The following NAV3 variants were observed in gnomAD, a reference collection of about 807,000 sequenced individuals.
The protein encoded by NAV3 is neuron navigator 3, also known as pore membrane and/or filament interacting like protein 1.
NAV3 carries 87 observed loss-of-function variants against 244.7 expected under a neutral mutation model. The ratio of observed to expected loss-of-function variants is 0.36; its 90% CI spans 0.30 to 0.42. NAV3 has a LOEUF of 0.42. Among genes scored for constraint, NAV3 ranks in the 20% least tolerant of loss-of-function variants. The pLI is 1.00. For missense variants in NAV3, 2,663 were observed against 2,893.3 expected, an observed-to-expected ratio of 0.92 and a Z score of 1.83; for synonymous variants, 1,126 against 1,042.2, an observed-to-expected ratio of 1.08 and a Z score of -1.55.
intron 5 of NAV3, among the ~76,000 whole-genome samples, chr12:77,988,340 T>G (rs1378470307): frequency 3.9e-5 from 6 of 152,186 alleles, no homozygotes; most frequent in Non-Finnish European, 8.8e-5. Context: ...CTGTTTACCT[T>G]AAAAAGCTTT....
At chr12:78,074,973 G>A (rs1312605990) in intron 12 of NAV3, among the ~76,000 whole-genome samples, 1 of 152,136 alleles carries the variant, frequency 6.6e-6, no homozygotes, top group East Asian at 1.9e-4. Flanking sequence ...AAAAAGAAAT[G>A]TAATCTGGAT....
chr12:78,043,019 G>T (rs575559344), intron 9 of NAV3, among the ~76,000 whole-genome samples: 2 of 151,908 alleles, frequency 1.3e-5, no homozygotes, highest in African/African-American at 4.8e-5. Context: ...TGCTGTGGTC[G>T]TTTGCTGCAC....
rs763200970 is a variant in NAV3, at chr12:77,720,652, CCT to C, written c.72+148391_72+148392del. On this transcript the variant is annotated intron_variant, in intron 2 of 8. Coordinates refer to the NAV3 transcript ENST00000550042. ...GTTAGATGCAAACTCCAATTCTTTC[CCT>C]CTCTAGGAAGAAGCTGAGAGTTTTT... Among the ~76,000 whole-genome samples the C allele has an allele frequency of 5.3e-5, 8 of 152,212 alleles. No homozygotes were observed. The South Asian group carries it at 1.5e-3, about 28-fold the overall frequency.
chr12:77,811,131 C>T (rs1332752249), intron 2 of NAV3, among the ~76,000 whole-genome samples: 6 of 152,142 alleles, frequency 3.9e-5, no homozygotes, highest in Non-Finnish European at 8.8e-5. Flanking sequence ...AATTCTAAAA[C>T]TTAGTTGTAT....
At chr12:77,939,304 C>T (rs933778467) in intron 1 of NAV3, among the ~76,000 whole-genome samples, 1 of 152,128 alleles carries the variant, frequency 6.6e-6, no homozygotes, top group African/African-American at 2.4e-5. Context: ...GTTATACCCA[C>T]TGCAAGGAAG....
At chr12:77,587,887 G>A (rs1869689409) in intron 2 of NAV3, among the ~76,000 whole-genome samples, 2 of 152,260 alleles carry the variant, frequency 1.3e-5, no homozygotes, top group Middle Eastern at 6.8e-3. Flanking sequence ...GGCCCAGAGT[G>A]GCTATGTAAC....
At chr12:77,920,749 T>C (rs965343012) in intron 1 of NAV3, among the ~76,000 whole-genome samples, 2 of 152,126 alleles carry the variant, frequency 1.3e-5, no homozygotes, top group East Asian at 3.9e-4. Flanking sequence ...CCAGCAATGT[T>C]TGTTACAAAA....
At position 78,199,315 on chromosome 12, in the gene NAV3, G is replaced by A. The variant is rs2140009054; in HGVS notation, c.6519-20G>A. The stretch of plus-strand genomic sequence containing the variant: ...AAATTTAATTTATATAAAAATGTCT[G>A]ATTTTTTTTCTTTTTGTAGGTGGGT... On this transcript the variant is annotated intron_variant, in intron 36 of 39. Transcript: ENST00000397909. 7 of 1,549,178 alleles carry A rather than the reference G, an allele frequency of 4.5e-6. No homozygotes were observed. The highest frequency in any genetic ancestry group is 6.1e-6 in the Non-Finnish European group (7 of 1,144,882).
chr12:77,689,514 T>C (rs546522871), intron 2 of NAV3, among the ~76,000 whole-genome samples: 2 of 152,056 alleles, frequency 1.3e-5, no homozygotes, highest in African/African-American at 4.8e-5. Context: ...GGAAGGTGTG[T>C]TAAGATCTCT....
At chr12:77,701,814 A>G (rs1202545667) in intron 2 of NAV3, among the ~76,000 whole-genome samples, 1 of 151,818 alleles carries the variant, frequency 6.6e-6, no homozygotes, top group Non-Finnish European at 1.5e-5. Context: ...CTAAAATTTC[A>G]TTATTTTAGT....
intron 3 of NAV3, among the ~76,000 whole-genome samples, chr12:77,946,426 A>G (rs549301021): frequency 2.6e-5 from 4 of 152,134 alleles, no homozygotes; most frequent in Admixed American, 2.6e-4. Context: ...CACTTTATTA[A>G]TATAATTACT....
At chr12:77,594,276 G>A (rs762309075) in intron 2 of NAV3, among the ~76,000 whole-genome samples, 40 of 151,740 alleles carry the variant, frequency 2.6e-4, no homozygotes, top group Non-Finnish European at 4.1e-4. Context: ...ACAGAGAAAA[G>A]AAGATTCACT....
intron 2 of NAV3, among the ~76,000 whole-genome samples, chr12:77,659,427 T>G (rs1035056708): frequency 1.3e-5 from 2 of 152,138 alleles, no homozygotes; most frequent in African/African-American, 2.4e-5. Flanking sequence ...CTCACACCAG[T>G]TAGAATGGTG....
chr12:78,046,090 A>AT (rs1413474793), intron 9 of NAV3, among the ~76,000 whole-genome samples: 2 of 152,046 alleles, frequency 1.3e-5, no homozygotes, highest in Non-Finnish European at 2.9e-5. Context: ...CCCCTTTATC[A>AT]TTTTTTATTA....
At chr12:77,801,784 C>T (rs1465469255) in intron 2 of NAV3, among the ~76,000 whole-genome samples, 1 of 152,120 alleles carries the variant, frequency 6.6e-6, no homozygotes, top group Non-Finnish European at 1.5e-5. Context: ...TTCCTGATGT[C>T]CTAGCTACCC....
At chr12:78,168,300 C>T (rs546835829) in intron 23 of NAV3, among the ~76,000 whole-genome samples, 1 of 151,866 alleles carries the variant, frequency 6.6e-6, no homozygotes, top group South Asian at 2.1e-4. Context: ...GCACAAAATA[C>T]TTCAAACAAA....
rs1566155830 is a variant in NAV3 at position 78,117,160 on chromosome 12, TATATA to T, written c.2769+257_2769+261del. Among the ~76,000 whole-genome samples the T allele has an allele frequency of 8.4e-3, 916 of 108,774 alleles. 55 individuals carry two copies. Among genetic ancestry groups the T allele is most frequent in the African/African-American group, 0.014 (430 of 29,684 alleles). 71.4% of individuals were successfully genotyped at this position (108,774 alleles called of 152,430 possible). A position where few individuals can be genotyped will look rare whatever the true frequency, so the allele number is the denominator to read the frequency against. On this transcript the variant is annotated intron_variant, in intron 13 of 39. Transcript: ENST00000397909. ...CAATTTTGAATAAACAGAAGCAGCA[TATATA>T]TATATATATATATATATATATATAT...
intron 28 of NAV3, among the ~76,000 whole-genome samples, chr12:78,178,710 A>T (rs2139699394): frequency 6.6e-6 from 1 of 152,250 alleles, no homozygotes; most frequent in Non-Finnish European, 1.5e-5. Context: ...TGCCTACATA[A>T]TTTTATCATT....
At chr12:78,185,242 GA>G (rs1269791189) in intron 30 of NAV3, among the ~76,000 whole-genome samples, 1 of 151,790 alleles carries the variant, frequency 6.6e-6, no homozygotes, top group African/African-American at 2.4e-5. Flanking sequence ...AGATTGGATA[GA>G]AAAATCAGAT....
Sources: gnomAD v4.1 joint callset for allele counts (sites outside exome capture counted in the v4.1 genomes callset) on GRCh38, gnomAD v4.1.1 for gene constraint, MANE v1.5 for transcripts, NCBI Gene and HGNC (gene_info 2026-07-23, HGNC 2026-07-21) for gene names.